Variants in MTUS2 observed in about 807,000 individuals in gnomAD.
MTUS2 encodes the protein microtubule associated scaffold protein 2.
In MTUS2, 40 loss-of-function variants were observed where a neutral mutation model predicts 114.1. The ratio of observed to expected loss-of-function variants is 0.35; its 90% CI spans 0.27 to 0.46. MTUS2 has a LOEUF of 0.46. Ranked by LOEUF, MTUS2 falls within the 20% of genes least tolerant of loss-of-function variation. The probability of loss-of-function intolerance (pLI) is 1.00; values close to 1 mark genes in which losing one functional copy is unlikely to be tolerated. For missense variants in MTUS2, 1,679 were observed against 1,705.4 expected, an observed-to-expected ratio of 0.98 and a Z score of 0.27; for synonymous variants, 688 against 672.0, an observed-to-expected ratio of 1.02 and a Z score of -0.37.
intron 2 of MTUS2, among the ~76,000 whole-genome samples, chr13:28,861,291 G>A (rs575177317): frequency 6.6e-6 from 1 of 152,300 alleles, no homozygotes; most frequent in African/African-American, 2.4e-5. Flanking sequence ...TGAATCACAG[G>A]TAGTCAGCAC....
At chr13:29,044,645 A>G (rs1260925916) in intron 4 of MTUS2, among the ~76,000 whole-genome samples, 1 of 152,062 alleles carries the variant, frequency 6.6e-6, no homozygotes, top group Non-Finnish European at 1.5e-5. Context: ...TCTGGTTTTC[A>G]TTGTGAATAG....
At chr13:28,865,636 G>A (rs1294717221) in intron 2 of MTUS2, among the ~76,000 whole-genome samples, 1 of 152,168 alleles carries the variant, frequency 6.6e-6, no homozygotes, top group Non-Finnish European at 1.5e-5. Context: ...AACTTGTCCT[G>A]TGTAACAGTC....
chr13:29,384,813 A>C (rs1872525661), intron 8 of MTUS2, among the ~76,000 whole-genome samples: 1 of 152,182 alleles, frequency 6.6e-6, no homozygotes, highest in Non-Finnish European at 1.5e-5. Context: ...CAGTGCCCCT[A>C]GCCTGTCTTA....
At chr13:29,226,701 T>C (rs1394934984) in intron 5 of MTUS2, among the ~76,000 whole-genome samples, 1 of 152,168 alleles carries the variant, frequency 6.6e-6, no homozygotes, top group Non-Finnish European at 1.5e-5. Flanking sequence ...ACTTGAAGTC[T>C]CTTTAATATT....
intron 6 of MTUS2, among the ~76,000 whole-genome samples, chr13:29,290,628 C>T (rs779798789): frequency 7.0e-4 from 106 of 152,156 alleles, no homozygotes; most frequent in Non-Finnish European, 1.1e-3. Flanking sequence ...CCACGCCTGG[C>T]CAGGAACATC....
intron 10 of MTUS2, among the ~76,000 whole-genome samples, chr13:29,482,679 A>ACTGT (rs1881285813): frequency 6.6e-6 from 1 of 152,250 alleles, no homozygotes; most frequent in African/African-American, 2.4e-5. Flanking sequence ...TGCCCAAGGA[A>ACTGT]CTGTCACACA....
At chr13:29,349,513 T>C (rs533563675) in intron 7 of MTUS2, among the ~76,000 whole-genome samples, 1 of 121,218 alleles carries the variant, frequency 8.2e-6, no homozygotes, top group Admixed American at 8.3e-5. Flanking sequence ...TCTGCACTTC[T>C]ATCTGGTATC....
intron 8 of MTUS2, among the ~76,000 whole-genome samples, chr13:29,423,226 T>A (rs948408214): frequency 6.6e-6 from 1 of 152,202 alleles, no homozygotes; most frequent in East Asian, 1.9e-4. Context: ...CCATGCTGAT[T>A]TATTCAGTGA....
chr13:29,381,082 C>T (rs1872168473), intron 8 of MTUS2, among the ~76,000 whole-genome samples: 1 of 152,134 alleles, frequency 6.6e-6, no homozygotes, highest in Admixed American at 6.5e-5. Flanking sequence ...GGTGGAACAA[C>T]CCAAATGAGA....
intron 2 of MTUS2, among the ~76,000 whole-genome samples, chr13:28,961,282 C>T (rs777927326): frequency 2.6e-5 from 4 of 151,882 alleles, no homozygotes; most frequent in Non-Finnish European, 5.9e-5. Context: ...TTCAAGAAAC[C>T]GAGAGAATCT....
chr13:29,351,355 A>G (rs186562794), intron 7 of MTUS2, among the ~76,000 whole-genome samples: 2 of 152,168 alleles, frequency 1.3e-5, no homozygotes, highest in Admixed American at 1.3e-4. Flanking sequence ...CTGTAAATTG[A>G]ATCGTGGCAG....
At chr13:28,960,141 C>G (rs1416719645) in intron 2 of MTUS2, among the ~76,000 whole-genome samples, 1 of 152,118 alleles carries the variant, frequency 6.6e-6, no homozygotes, top group African/African-American at 2.4e-5. Flanking sequence ...AAAAAATGCT[C>G]AATGCCATTA....
At position 29,389,536 on chromosome 13, in the gene MTUS2, C is replaced by CAT. The variant is rs144258551; in HGVS notation, c.3117+30063_3117+30064insAT. 6.2e-4 allele frequency among the ~76,000 whole-genome samples: 48 copies of CAT among 77,704 alleles called. 5 individuals are homozygous for CAT. Among genetic ancestry groups the CAT allele is most frequent in the Admixed American group, 1.4e-3 (13 of 9,046 alleles). The allele number at this position is 77,704 out of a possible 152,430, so 51.0% of individuals were successfully genotyped here. On this transcript the variant is annotated intron_variant, in intron 8 of 15. Transcript: ENST00000612955. The stretch of plus-strand genomic sequence containing the variant: ...GTGTGTATGTGTATATATGTATACA[C>CAT]GTGTGTATATGTATACACGTGTGTA...
chr13:29,499,346 G>C (rs1230901676), intron 14 of MTUS2, among the ~76,000 whole-genome samples: 1 of 152,164 alleles, frequency 6.6e-6, no homozygotes, highest in Admixed American at 6.6e-5. Context: ...TGTGCAAAGG[G>C]AGTGGAGGAG....
rs145409625 is a variant in MTUS2, at chr13:28,865,776, C to T, written c.-243+25926C>T. Among the ~76,000 whole-genome samples, 1,442 of 152,196 alleles carry T rather than the reference C, an allele frequency of 9.5e-3. 9 individuals carry two copies. The highest frequency in any genetic ancestry group is 0.021 in the Middle Eastern group (6 of 292). On this transcript the variant is annotated intron_variant, in intron 2 of 15. Transcript: ENST00000612955. The stretch of plus-strand genomic sequence containing the variant: ...AGCAGTATTATTGGGAGCCAGCTAT[C>T]GGGTTTTCCCTATGATGACATTCTG...
intron 4 of MTUS2, among the ~76,000 whole-genome samples, chr13:29,047,582 C>T (rs1275172246): frequency 1.2e-4 from 18 of 150,026 alleles, no homozygotes; most frequent in African/African-American, 3.0e-4. Context: ...GGCGCAATCT[C>T]GGCTCACTGC....
At chr13:29,432,560 A>T (rs528093173) in intron 8 of MTUS2, among the ~76,000 whole-genome samples, 1 of 152,340 alleles carries the variant, frequency 6.6e-6, no homozygotes, top group South Asian at 2.1e-4. Context: ...TGCGAATGGA[A>T]TCTGAGCCAG....
chr13:29,243,986 C>G (rs1363820944), intron 5 of MTUS2, among the ~76,000 whole-genome samples: 1 of 152,168 alleles, frequency 6.6e-6, no homozygotes, highest in South Asian at 2.1e-4. Context: ...GTATGTGAGT[C>G]TGTGAGACCA....
intron 5 of MTUS2, among the ~76,000 whole-genome samples, chr13:29,200,670 A>T (rs1016543142): frequency 6.6e-6 from 1 of 151,408 alleles, no homozygotes; most frequent in African/African-American, 2.4e-5. Flanking sequence ...ACAGGCACAC[A>T]CCACCATGCC....
Sources: allele counts gnomAD v4.1 joint callset (sites outside exome capture counted in the v4.1 genomes callset), GRCh38; gene constraint gnomAD v4.1.1; transcripts MANE v1.5; gene names NCBI Gene and HGNC (gene_info 2026-07-23, HGNC 2026-07-21).